MTUS2: variants seen among roughly 807,000 people sequenced by gnomAD.
The protein encoded by MTUS2 is microtubule-associated tumor suppressor candidate 2.
MTUS2 carries 40 observed loss-of-function variants against 114.1 expected under a neutral mutation model. The ratio of observed to expected loss-of-function variants is 0.35; its 90% CI spans 0.27 to 0.46. The LOEUF is 0.46. Ranked by LOEUF, MTUS2 falls within the 20% of genes least tolerant of loss-of-function variation. MTUS2 has a pLI of 1.00. For missense variants in MTUS2, 1,679 were observed against 1,705.4 expected, an observed-to-expected ratio of 0.98 and a Z score of 0.27; for synonymous variants, 688 against 672.0, an observed-to-expected ratio of 1.02 and a Z score of -0.37.
chr13:28,828,114 T>G (rs1338707336), intron 1 of MTUS2, among the ~76,000 whole-genome samples: 1 of 152,176 alleles, frequency 6.6e-6, no homozygotes, highest in African/African-American at 2.4e-5. Flanking sequence ...AGTGGCCATT[T>G]CAGAGACCTC....
intron 2 of MTUS2, among the ~76,000 whole-genome samples, chr13:28,983,942 T>C (rs1313655667): frequency 6.6e-6 from 1 of 152,354 alleles, no homozygotes; most frequent in Middle Eastern, 3.4e-3. Flanking sequence ...GTTTGGGCGC[T>C]CTCTTGCTTT....
intron 5 of MTUS2, among the ~76,000 whole-genome samples, chr13:29,260,935 C>T (rs912304248): frequency 6.6e-6 from 1 of 152,126 alleles, no homozygotes; most frequent in African/African-American, 2.4e-5. Context: ...GGGCAGCACT[C>T]CTGCCCCCAG....
chr13:29,481,228 C>G (rs1881143201), intron 10 of MTUS2, among the ~76,000 whole-genome samples: 1 of 152,190 alleles, frequency 6.6e-6, no homozygotes. Flanking sequence ...ATGGACTAAC[C>G]AGAGGATAAT....
rs144250001 is a variant in MTUS2 at position 29,148,056 on chromosome 13, C to T, written c.2644+47086C>T. ...GTGGCTGAATTAATTTACATTCCCA[C>T]CAACAGTGTATAAGCTGTTCCCTTT... On this transcript the variant is annotated intron_variant, in intron 5 of 15. Coordinates refer to ENST00000612955, the MANE Select transcript of MTUS2 (RefSeq NM_001033602.4). 8.2e-4 allele frequency among the ~76,000 whole-genome samples: 125 copies of T among 152,304 alleles called. 1 individual carries two copies. Among genetic ancestry groups the T allele is most frequent in the African/African-American group, 2.9e-3 (120 of 41,564 alleles).
At chr13:29,294,992 G>A (rs542958038) in intron 6 of MTUS2, among the ~76,000 whole-genome samples, 2 of 152,282 alleles carry the variant, frequency 1.3e-5, no homozygotes, top group South Asian at 4.1e-4. Flanking sequence ...ATTCAAGCCT[G>A]CTTAGTTATT....
chr13:29,324,573 G>T, intron 6 of MTUS2, 40 bp from the exon 7 acceptor site: 1 of 1,449,464 alleles, frequency 6.9e-7, no homozygotes, highest in Non-Finnish European at 9.5e-7. Context: ...ATTTTAAGTA[G>T]CTTACTTTCT....
At chr13:29,367,922 T>G (rs1366801826) in intron 8 of MTUS2, among the ~76,000 whole-genome samples, 1 of 149,724 alleles carries the variant, frequency 6.7e-6, no homozygotes, top group Non-Finnish European at 1.5e-5. Flanking sequence ...TTTTCTTTTT[T>G]TTCCTCCTAG....
chr13:28,821,294 A>T (rs946892587), intron 1 of MTUS2, among the ~76,000 whole-genome samples: 4 of 152,338 alleles, frequency 2.6e-5, no homozygotes, highest in East Asian at 3.9e-4. Flanking sequence ...ACCCTATATT[A>T]AAAAAGTCAT....
At chr13:29,210,512 T>C (rs981868007) in intron 5 of MTUS2, among the ~76,000 whole-genome samples, 7 of 152,150 alleles carry the variant, frequency 4.6e-5, no homozygotes, top group African/African-American at 1.7e-4. Context: ...TGTTTTGTCA[T>C]ATTACCAGAA....
chr13:28,952,241 A>G (rs1460003850), intron 2 of MTUS2, among the ~76,000 whole-genome samples: 1 of 152,226 alleles, frequency 6.6e-6, no homozygotes, highest in Non-Finnish European at 1.5e-5. Flanking sequence ...CCAATCCAAC[A>G]CAACTCCCTG....
intron 6 of MTUS2, among the ~76,000 whole-genome samples, chr13:29,293,473 A>G (rs1239767685): frequency 6.6e-6 from 1 of 152,154 alleles, no homozygotes; most frequent in Non-Finnish European, 1.5e-5. Flanking sequence ...GTGGTACACA[A>G]ACACTCTTGT....
At chr13:29,371,856 A>C (rs1476166902) in intron 8 of MTUS2, among the ~76,000 whole-genome samples, 3 of 152,086 alleles carry the variant, frequency 2.0e-5, no homozygotes, top group Non-Finnish European at 4.4e-5. Flanking sequence ...CTGTAGAATC[A>C]AGACTTTGTG....
At chr13:29,116,519 C>CGT (rs1369110067) in intron 5 of MTUS2, among the ~76,000 whole-genome samples, 1 of 152,008 alleles carries the variant, frequency 6.6e-6, no homozygotes, top group African/African-American at 2.4e-5. Flanking sequence ...ATACATATAC[C>CGT]GTGTTTTTTC....
intron 2 of MTUS2, among the ~76,000 whole-genome samples, chr13:28,877,101 G>A (rs1278015807): frequency 6.7e-6 from 1 of 149,796 alleles, no homozygotes; most frequent in Non-Finnish European, 1.5e-5. Flanking sequence ...GACCACCCTG[G>A]CTATGATGAA....
chr13:28,829,289 G>T (rs1316060967), intron 1 of MTUS2, among the ~76,000 whole-genome samples: 1 of 152,050 alleles, frequency 6.6e-6, no homozygotes, highest in Admixed American at 6.6e-5. Flanking sequence ...ACTTAGAGAG[G>T]CTGAGACAGG....
chr13:29,438,615 C>T (rs1877598069), intron 8 of MTUS2, among the ~76,000 whole-genome samples: 1 of 152,086 alleles, frequency 6.6e-6, no homozygotes. Flanking sequence ...GCCCCACCTC[C>T]TAATATCATC....
intron 5 of MTUS2, among the ~76,000 whole-genome samples, chr13:29,211,368 C>T (rs1382605045): frequency 3.9e-5 from 6 of 152,294 alleles, no homozygotes; most frequent in Admixed American, 6.5e-5. Context: ...TACAAGCCTC[C>T]CTGCTGAGAA....
chr13:28,978,527 A>G (rs1196967374), intron 2 of MTUS2, among the ~76,000 whole-genome samples: 2 of 152,358 alleles, frequency 1.3e-5, no homozygotes, highest in East Asian at 3.9e-4. Flanking sequence ...TTCCTTATGT[A>G]AACTCTTACA....
intron 6 of MTUS2, among the ~76,000 whole-genome samples, chr13:29,316,485 C>T (rs1899994198): frequency 6.6e-6 from 1 of 152,168 alleles, no homozygotes; most frequent in Non-Finnish European, 1.5e-5. Context: ...CACCGCCTTC[C>T]TGCCCTCTCC....
Sources: allele counts gnomAD v4.1 joint callset (sites outside exome capture counted in the v4.1 genomes callset), GRCh38; gene constraint gnomAD v4.1.1; transcripts MANE v1.5; gene names NCBI Gene and HGNC (gene_info 2026-07-23, HGNC 2026-07-21).